Variants in TAF1 observed in about 807,000 individuals in gnomAD.
The protein encoded by TAF1 is transcription initiation factor TFIID subunit 1.
A neutral mutation model predicts 138.5 loss-of-function variants in TAF1; 2 were observed. The ratio of observed to expected loss-of-function variants is 0.01; its 90% CI spans 0.01 to 0.05. The LOEUF is 0.05. TAF1 is among the 10% of genes least tolerant of loss of function. The pLI is 1.00. For missense variants in TAF1, 709 were observed against 1,478.0 expected (o/e 0.48, Z 8.53); for synonymous variants, 437 against 503.2 (o/e 0.87, Z 1.76).
intron 28 of TAF1, chrX:71,413,934 C>G (rs144631914): frequency 9.0e-6 from 1 of 111,481 alleles, no homozygotes; most frequent in South Asian, 3.7e-4. Context: ...TTCAGGCTAA[C>G]GATTTGCCCA....
chrX:71,403,909 T>C (rs1434633069), intron 25 of TAF1, among the ~76,000 whole-genome samples: 1 of 108,862 alleles, frequency 9.2e-6, no homozygotes, highest in Admixed American at 1.0e-4. Flanking sequence ...TGTTTTTTTT[T>C]TCTTTTTTTT....
chrX:71,401,918 T>C (rs908644592), intron 25 of TAF1, among the ~76,000 whole-genome samples, 179 bp downstream of exon 25: 2 of 111,854 alleles, frequency 1.8e-5, no homozygotes, highest in African/African-American at 6.5e-5. Context: ...GATTAGGTTG[T>C]ACCACTTGTT....
chrX:71,379,105 ATT>A (rs916740866), intron 8 of TAF1, 74 bp downstream of exon 8: 22,768 of 450,209 alleles, frequency 0.051, no homozygotes, highest in East Asian at 0.056. Context: ...CTCAGCTGTG[ATT>A]TTTTTTTTTT....
chrX:71,435,605 T>C (rs1475713193), intron 32 of TAF1, among the ~76,000 whole-genome samples: 1 of 112,072 alleles, frequency 8.9e-6, no homozygotes, highest in Admixed American at 9.5e-5. Context: ...TACAATCTTA[T>C]ACTACTAGTT....
At chrX:71,495,380 C>G (rs914374671) in intron 13 of TAF1, among the ~76,000 whole-genome samples, 1 of 111,722 alleles carries the variant, frequency 9.0e-6, no homozygotes, top group African/African-American at 3.3e-5. Context: ...AGAGTAATAG[C>G]AAGATGGCTG....
chrX:71,474,060 G>T (rs765392678), intron 13 of TAF1, among the ~76,000 whole-genome samples: 46 of 110,619 alleles, frequency 4.2e-4, no homozygotes, highest in Admixed American at 9.7e-4. Flanking sequence ...TATGAGAATC[G>T]CTTGAAACCG....
intron 13 of TAF1, among the ~76,000 whole-genome samples, chrX:71,524,681 G>T (rs183094347): frequency 4.6e-5 from 5 of 108,866 alleles, no homozygotes; most frequent in Non-Finnish European, 9.5e-5. Context: ...GGTGGCTCAC[G>T]CCTGTAATCC....
At chrX:71,481,665 C>T (rs2039074609) in intron 13 of TAF1, among the ~76,000 whole-genome samples, 1 of 111,903 alleles carries the variant, frequency 8.9e-6, no homozygotes, top group African/African-American at 3.2e-5. Context: ...TCAAGTGATT[C>T]TCCTGCCTCA....
At chrX:71,424,089 A>G (rs1306655501) in intron 31 of TAF1, 23 bp downstream of exon 31, 1 of 1,203,131 alleles carries the variant, frequency 8.3e-7, no homozygotes, top group Middle Eastern at 2.3e-4. Context: ...TTTGATCTAA[A>G]TGCCTTTTTG....
At chrX:71,374,232 G>GC (rs2033308080) in intron 3 of TAF1, among the ~76,000 whole-genome samples, 1 of 110,507 alleles carries the variant, frequency 9.0e-6, no homozygotes, top group African/African-American at 3.3e-5. Flanking sequence ...ACAGGCACAT[G>GC]CCACCACTCC....
chrX:71,477,478 C>A (rs1055243816), intron 13 of TAF1, among the ~76,000 whole-genome samples: 1 of 109,117 alleles, frequency 9.2e-6, no homozygotes, highest in African/African-American at 3.3e-5. Context: ...TTTATGGAGA[C>A]AGGGTCTCAC....
chrX:71,428,865 A>T (rs1367911592), intron 32 of TAF1, among the ~76,000 whole-genome samples: 1 of 112,343 alleles, frequency 8.9e-6, no homozygotes, highest in East Asian at 2.8e-4. Context: ...GTATATACGT[A>T]CAAAAAAGGC....
At chrX:71,421,425 T>A in intron 29 of TAF1, 49 bp downstream of exon 29, 1 of 453,767 alleles carries the variant, frequency 2.2e-6, no homozygotes, top group East Asian at 5.7e-5. Flanking sequence ...AAGGTGGGGG[T>A]GGGATATCAG....
intron 32 of TAF1, among the ~76,000 whole-genome samples, chrX:71,435,244 CAG>C (rs1260063886): frequency 1.8e-5 from 2 of 112,071 alleles, no homozygotes; most frequent in Non-Finnish European, 3.8e-5. Flanking sequence ...CAAAGAAAAA[CAG>C]AAATCTCCCC....
chrX:71,482,829 C>T (rs897096716), intron 13 of TAF1, among the ~76,000 whole-genome samples: 1 of 112,346 alleles, frequency 8.9e-6, no homozygotes, highest in African/African-American at 3.2e-5. Context: ...AGCATTTTAC[C>T]CACAGTAGAA....
At chrX:71,454,933 C>G (rs748363234) in intron 34 of TAF1, 76 bp downstream of exon 34, 1 of 1,187,573 alleles carries the variant, frequency 8.4e-7, no homozygotes, top group East Asian at 3.0e-5. Context: ...TTAACAAATC[C>G]GTTTACTGAG....
chrX:71,492,948 GGC>G, intron 13 of TAF1: 1 of 112,780 alleles, frequency 8.9e-6, no homozygotes, highest in African/African-American at 3.2e-5. Context: ...CCCGGCCTCC[GGC>G]ATTGCTCCGC....
rs967015244 is a variant in TAF1, at chrX:71,511,744, A to C, written c.1367-16798A>C. The stretch of plus-strand genomic sequence containing the variant: ...TAATAAAGAACTTTTGGCTGGGCGC[A>C]GTGGCTCATGCCTGTGATCCCGGCA... On this transcript the variant is annotated intron_variant and NMD_transcript_variant, in intron 13 of 14. Transcript: ENST00000373775. Among the ~76,000 whole-genome samples, 7 of 111,842 alleles carry C rather than the reference A, an allele frequency of 6.3e-5. No homozygotes were observed. The Admixed American group carries it at 6.7e-4, about 11-fold the overall frequency.
At chrX:71,512,419 C>T (rs2039749774) in intron 13 of TAF1, among the ~76,000 whole-genome samples, 1 of 112,318 alleles carries the variant, frequency 8.9e-6, no homozygotes, top group Admixed American at 9.5e-5. Flanking sequence ...GTATCTCAGA[C>T]CCTTCACAGT....
Sources: gnomAD v4.1 joint callset for allele counts (sites outside exome capture counted in the v4.1 genomes callset) on GRCh38, gnomAD v4.1.1 for gene constraint, MANE v1.5 for transcripts, NCBI Gene and HGNC (gene_info 2026-07-23, HGNC 2026-07-21) for gene names.